Variants in ZFHX3 observed in about 807,000 individuals in gnomAD.
ZFHX3 encodes the protein zinc finger homeobox 3.
Under a neutral mutation model 279.1 loss-of-function variants are expected in ZFHX3, and 42 were observed. The ratio of observed to expected loss-of-function variants is 0.15; its 90% confidence interval spans 0.12 to 0.19. The LOEUF (loss-of-function observed/expected upper bound fraction) is 0.19. Ranked by LOEUF, ZFHX3 falls within the 10% of genes least tolerant of loss-of-function variation. ZFHX3 has a pLI of 1.00. For missense variants in ZFHX3, 4,981 were observed against 4,754.0 expected (o/e 1.05, Z -1.40); for synonymous variants, 2,293 against 1,957.8 (o/e 1.17, Z -4.52).
chr16:73,705,253 C>A (rs2142220622), intron 1 of ZFHX3, among the ~76,000 whole-genome samples: 1 of 152,226 alleles, frequency 6.6e-6, no homozygotes, highest in East Asian at 1.9e-4. Context: ...ATGTAGCAAT[C>A]AGAGCATGCA....
At chr16:73,251,097 A>G (rs1297256161) in intron 5 of ZFHX3, among the ~76,000 whole-genome samples, 1 of 152,184 alleles carries the variant, frequency 6.6e-6, no homozygotes, top group Non-Finnish European at 1.5e-5. Context: ...CTGCTACATT[A>G]AACTACGGGC....
rs1376747845 is a variant in ZFHX3 at position 73,345,049 on chromosome 16, C to T, written c.-1290-26713G>A. 2.6e-5 allele frequency among the ~76,000 whole-genome samples: 4 copies of T among 152,138 alleles called. No homozygotes were observed. In the East Asian group the frequency reaches 7.7e-4, roughly 29 times the overall value. Reference sequence around the variant, plus strand: ...TTGTCCTGTTCATGGAACTTCTCAGCCTTACTCAGCTTAAAGGGGTTGAAT... The same window carrying T: ...TTGTCCTGTTCATGGAACTTCTCAGTCTTACTCAGCTTAAAGGGGTTGAAT... On this transcript the variant is annotated intron_variant, in intron 3 of 17. Coordinates refer to the ZFHX3 transcript ENST00000641206.
At chr16:73,236,154 A>C (rs2012941654) in intron 5 of ZFHX3, among the ~76,000 whole-genome samples, 1 of 152,238 alleles carries the variant, frequency 6.6e-6, no homozygotes, top group Non-Finnish European at 1.5e-5. Context: ...GACACGGCAT[A>C]CGTCAAGGGA....
chr16:73,813,384 C>T (rs1011834221), intron 1 of ZFHX3, among the ~76,000 whole-genome samples: 17 of 151,898 alleles, frequency 1.1e-4, no homozygotes, highest in African/African-American at 4.1e-4. Context: ...GACTGGGGGC[C>T]TCTCTCAACT....
chr16:73,470,438 A>G (rs1220881186), intron 2 of ZFHX3, among the ~76,000 whole-genome samples: 1 of 152,212 alleles, frequency 6.6e-6, no homozygotes. Flanking sequence ...CATGTTGAGC[A>G]CAGCAGAAAG....
At chr16:73,172,334 G>C (rs1364770894) in intron 5 of ZFHX3, among the ~76,000 whole-genome samples, 4 of 152,204 alleles carry the variant, frequency 2.6e-5, no homozygotes, top group Admixed American at 6.5e-5. Context: ...CAGGCGCTTC[G>C]TGTTCTTCCC....
intron 3 of ZFHX3, among the ~76,000 whole-genome samples, chr16:73,388,454 C>A (rs2016944724): frequency 6.6e-6 from 1 of 152,120 alleles, no homozygotes; most frequent in Admixed American, 6.5e-5. Context: ...TATAACCATG[C>A]CAGCTCAAGT....
At chr16:73,424,894 A>C (rs1243127933) in intron 3 of ZFHX3, among the ~76,000 whole-genome samples, 1 of 152,132 alleles carries the variant, frequency 6.6e-6, no homozygotes, top group African/African-American at 2.4e-5. Context: ...ATTCTATAGA[A>C]ATCTCCCTTT....
intron 4 of ZFHX3, among the ~76,000 whole-genome samples, chr16:72,853,472 G>A (rs1379367575): frequency 1.3e-5 from 2 of 152,194 alleles, no homozygotes; most frequent in Non-Finnish European, 2.9e-5. Context: ...CTACCTTCTG[G>A]TGCAGTAATT....
At chr16:73,667,267 G>A (rs2052852894) in intron 2 of ZFHX3, among the ~76,000 whole-genome samples, 1 of 152,176 alleles carries the variant, frequency 6.6e-6, no homozygotes, top group Non-Finnish European at 1.5e-5. Flanking sequence ...TGTGATTACA[G>A]GCGTGAGCCA....
At chr16:73,516,249 G>A (rs189346530) in intron 2 of ZFHX3, among the ~76,000 whole-genome samples, 32 of 152,340 alleles carry the variant, frequency 2.1e-4, no homozygotes, top group Middle Eastern at 6.8e-3. Context: ...GCGGGACTTA[G>A]AGCAGCATGT....
At chr16:73,165,105 A>T (rs961653308) in intron 5 of ZFHX3, among the ~76,000 whole-genome samples, 1 of 152,242 alleles carries the variant, frequency 6.6e-6, no homozygotes, top group Non-Finnish European at 1.5e-5. Flanking sequence ...TGACGAGGTC[A>T]GATTTAGAAA....
chr16:73,735,067 A>G lies in ZFHX3; in HGVS notation c.-1607-54827T>C, dbSNP rs1239250887. 3.3e-5 allele frequency among the ~76,000 whole-genome samples: 5 copies of G among 152,184 alleles called. No individual in the cohort carries two copies. In the East Asian group the frequency reaches 9.6e-4, roughly 29 times the overall value. On this transcript the variant is annotated intron_variant, in intron 1 of 17. Transcript: ENST00000641206. ...TAAATGGTGATAAAAGACACATCAA[A>G]TTAACTACTTTAACCACGTTAGGTA... is the stretch of plus-strand genomic sequence containing the variant.
chr16:73,863,363 A>C (rs987308490), intron 1 of ZFHX3, among the ~76,000 whole-genome samples: 8 of 152,144 alleles, frequency 5.3e-5, no homozygotes, highest in African/African-American at 1.9e-4. Flanking sequence ...AGGGTGATCC[A>C]GAAGGGATCA....
rs1478293594 is a variant in ZFHX3 at position 72,787,052 on chromosome 16, T to G, written c.*112A>C. On this transcript the variant is annotated 3_prime_UTR_variant, in exon 10 of 10. Transcript: ENST00000268489. ...TTTCTTTTTTTTCTTTTTTTTTTTT[T>G]TTTTGTTTTTTGGTTAGAAGCTTTG... The G allele has an allele frequency of 8.7e-5, 91 of 1,048,668 alleles. No individual in the cohort carries two copies. The highest frequency in any genetic ancestry group is 1.0e-4 in the Non-Finnish European group (86 of 827,600). 65.0% of individuals were successfully genotyped at this position (1,048,668 alleles called of 1,614,324 possible). A position where few individuals can be genotyped will look rare whatever the true frequency, so the allele number is the denominator to read the frequency against.
Position 73,845,255 on chromosome 16 carries a change from G to T in ZFHX3, c.-1608+46396C>A, listed in dbSNP as rs188174754. Among the ~76,000 whole-genome samples, 16 of 152,282 alleles carry T rather than the reference G, an allele frequency of 1.1e-4. No homozygotes were observed. The East Asian group carries it at 3.1e-3, about 29-fold the overall frequency. On this transcript the variant is annotated intron_variant, in intron 1 of 17. Transcript: ENST00000641206. ...AGAGGCGATTTGAGAGTGTGAAGATGATTTGAAGAGCCAGACGTTTTTTCT... is the reference window on the plus strand; with the variant it reads ...AGAGGCGATTTGAGAGTGTGAAGATTATTTGAAGAGCCAGACGTTTTTTCT...
At chr16:73,097,676 C>CCAAATTTTTCGTCAACATTT (rs1299356970) in intron 7 of ZFHX3, among the ~76,000 whole-genome samples, 3 of 152,134 alleles carry the variant, frequency 2.0e-5, no homozygotes, top group African/African-American at 7.2e-5. Flanking sequence ...CATTTCTCGT[C>CCAAATTTTTCGTCAACATTT]ACTCTAAACG....
At chr16:73,787,242 A>C (rs1959675606) in intron 1 of ZFHX3, among the ~76,000 whole-genome samples, 2 of 152,172 alleles carry the variant, frequency 1.3e-5, no homozygotes, top group Admixed American at 6.5e-5. Context: ...AATGCTAACA[A>C]ATGATCATCA....
chr16:73,792,865 C>CCT lies in ZFHX3; in HGVS notation c.-1608+98785_-1608+98786insAG, dbSNP rs1555501990. ...CTTGACCATACAGTGCACCCCCCCCCTCCCCTCTCTGCTGTGAACAAAGCC... is the reference window on the plus strand; with the variant it reads ...CTTGACCATACAGTGCACCCCCCCCCCTTCCCCTCTCTGCTGTGAACAAAGCC... On this transcript the variant is annotated intron_variant, in intron 1 of 17. Coordinates refer to the ZFHX3 transcript ENST00000641206. 6.1e-5 allele frequency among the ~76,000 whole-genome samples: 9 copies of CCT among 148,588 alleles called. 1 individual carries two copies. Among genetic ancestry groups the CCT allele is most frequent in the South Asian group, 2.2e-4 (1 of 4,562 alleles).
Sources: allele counts gnomAD v4.1 joint callset (sites outside exome capture counted in the v4.1 genomes callset), GRCh38; gene constraint gnomAD v4.1.1; transcripts MANE v1.5; gene names NCBI Gene and HGNC (gene_info 2026-07-23, HGNC 2026-07-21).